The following DSE variants were observed in gnomAD, a reference collection of about 807,000 sequenced individuals.
DSE encodes dermatan sulfate epimerase, also known as dermatan-sulfate epimerase.
DSE carries 36 observed loss-of-function variants against 84.4 expected under a neutral mutation model. That is an observed-to-expected ratio of 0.43 (90% confidence interval 0.33 to 0.56). The LOEUF is 0.56. Among genes scored for constraint, DSE ranks in the 20% least tolerant of loss-of-function variants. The pLI, the probability that DSE is intolerant of heterozygous loss-of-function variation, is 0.06. For missense variants in DSE, 862 were observed against 1,169.6 expected, an observed-to-expected ratio of 0.74 and a Z score of 3.84; for synonymous variants, 410 against 430.1, an observed-to-expected ratio of 0.95 and a Z score of 0.58.
At chr6:116,435,556 A>C in intron 5 of DSE, 31 bp from the exon 6 acceptor site, 2 of 1,537,896 alleles carry the variant, frequency 1.3e-6, no homozygotes, top group Non-Finnish European at 1.7e-6. Context: ...TGCCATCAGA[A>C]AACCATTTAA....
intron 2 of DSE, chr6:116,400,470 G>T (rs987479986): frequency 2.6e-5 from 4 of 152,040 alleles, no homozygotes; most frequent in African/African-American, 9.7e-5. Context: ...TCTTGTCATA[G>T]GGCTAGAGAG....
chr6:116,365,340 G>T lies in DSE; in HGVS notation c.-53-33858G>T, dbSNP rs374220590. On this transcript the variant is annotated intron_variant, in intron 2 of 3. Coordinates refer to the DSE transcript ENST00000430252. ...GTGCAATCGGCTCACTGCAAGCTCCGCCTCCTGGGTTCACGCCATTCTCCT... is the reference window on the plus strand; with the variant it reads ...GTGCAATCGGCTCACTGCAAGCTCCTCCTCCTGGGTTCACGCCATTCTCCT... Among the ~76,000 whole-genome samples the T allele has an allele frequency of 1.1e-4, 16 of 152,136 alleles. 1 individual carries two copies. The South Asian group carries it at 1.2e-3, about 12-fold the overall frequency.
At chr6:116,408,806 G>T (rs1315962198) in intron 2 of DSE, among the ~76,000 whole-genome samples, 5 of 152,142 alleles carry the variant, frequency 3.3e-5, no homozygotes, top group Admixed American at 1.3e-4. Context: ...TTGAATTTTG[G>T]TGTTCATCTT....
At chr6:116,358,018 T>A (rs1386835608) in intron 2 of DSE, among the ~76,000 whole-genome samples, 1 of 152,204 alleles carries the variant, frequency 6.6e-6, no homozygotes, top group South Asian at 2.1e-4. Flanking sequence ...ATAAATCTGA[T>A]TTTTTAATGA....
At chr6:116,408,368 G>C (rs2115016795) in intron 2 of DSE, among the ~76,000 whole-genome samples, 1 of 152,226 alleles carries the variant, frequency 6.6e-6, no homozygotes, top group East Asian at 1.9e-4. Flanking sequence ...CTTATTGAGG[G>C]TAGCCCCAGC....
intron 2 of DSE, among the ~76,000 whole-genome samples, chr6:116,341,304 C>A (rs929193738): frequency 1.3e-5 from 2 of 152,138 alleles, no homozygotes; most frequent in African/African-American, 4.8e-5. Flanking sequence ...CTATTCATAT[C>A]CTTCACCCAC....
intron 2 of DSE, among the ~76,000 whole-genome samples, chr6:116,295,053 T>C (rs1031903588): frequency 1.3e-5 from 2 of 152,132 alleles, no homozygotes; most frequent in African/African-American, 4.8e-5. Flanking sequence ...AAATAAATCA[T>C]ACTGCAGTGT....
At chr6:116,420,900 A>G (rs1783031180) in intron 2 of DSE, among the ~76,000 whole-genome samples, 1 of 152,234 alleles carries the variant, frequency 6.6e-6, no homozygotes, top group African/African-American at 2.4e-5. Flanking sequence ...TTTTAGTGAT[A>G]CAGACTTCTT....
intron 2 of DSE, among the ~76,000 whole-genome samples, chr6:116,409,444 A>G (rs1319379632): frequency 6.6e-6 from 1 of 151,890 alleles, no homozygotes; most frequent in Non-Finnish European, 1.5e-5. Flanking sequence ...CGCCTGGCTA[A>G]TTTTTTGTAT....
At chr6:116,382,286 A>T (rs1032082731) in intron 1 of DSE, among the ~76,000 whole-genome samples, 1 of 152,202 alleles carries the variant, frequency 6.6e-6, no homozygotes, top group Non-Finnish European at 1.5e-5. Flanking sequence ...TTTCGAGCCT[A>T]CCATAACATG....
intron 2 of DSE, among the ~76,000 whole-genome samples, chr6:116,339,968 A>C (rs944131411): frequency 1.3e-5 from 2 of 152,320 alleles, no homozygotes; most frequent in Non-Finnish European, 2.9e-5. Flanking sequence ...GCGAGTGTGG[A>C]GTATACAAAG....
intron 2 of DSE, among the ~76,000 whole-genome samples, chr6:116,338,799 T>C (rs1003161315): frequency 2.6e-5 from 4 of 152,220 alleles, no homozygotes; most frequent in Non-Finnish European, 5.9e-5. Flanking sequence ...GTCAGCAGCA[T>C]GTTTATTAAA....
rs193292876 is a variant in DSE, at chr6:116,343,980, C to T, written c.-53-55218C>T. Among the ~76,000 whole-genome samples the T allele has an allele frequency of 1.5e-3, 234 of 152,230 alleles. 1 individual carries two copies. The highest frequency in any genetic ancestry group is 5.3e-3 in the African/African-American group (221 of 41,536). Reference sequence around the variant, plus strand: ...GCTGAAAGCCATGGCATGAGAACTACGTGATGCATGCACAAGCTTCAGTAG... The same window carrying T: ...GCTGAAAGCCATGGCATGAGAACTATGTGATGCATGCACAAGCTTCAGTAG... On this transcript the variant is annotated intron_variant, in intron 2 of 3. Coordinates refer to the DSE transcript ENST00000430252.
chr6:116,306,636 C>G (rs1436980086), intron 2 of DSE, among the ~76,000 whole-genome samples: 1 of 152,190 alleles, frequency 6.6e-6, no homozygotes, highest in Non-Finnish European at 1.5e-5. Flanking sequence ...ATACCCTTCT[C>G]TACAGCACTA....
intron 2 of DSE, among the ~76,000 whole-genome samples, chr6:116,353,539 T>C (rs1000234604): frequency 6.6e-6 from 1 of 152,212 alleles, no homozygotes; most frequent in African/African-American, 2.4e-5. Context: ...CCATTGAGCA[T>C]TTACACTTCC....
At chr6:116,347,034 A>T (rs956596890) in intron 2 of DSE, among the ~76,000 whole-genome samples, 6 of 152,316 alleles carry the variant, frequency 3.9e-5, no homozygotes, top group African/African-American at 1.4e-4. Flanking sequence ...CTTCAAAGAG[A>T]ATAAAATACC....
intron 2 of DSE, among the ~76,000 whole-genome samples, chr6:116,332,374 T>TTGTG (rs67724248): frequency 2.3e-4 from 34 of 150,296 alleles, no homozygotes; most frequent in African/African-American, 5.4e-4. Flanking sequence ...CCCAGTTGGT[T>TTGTG]TGTGTGTGTG....
chr6:116,274,177 A>G (rs1582919636), intron 2 of DSE, among the ~76,000 whole-genome samples: 1 of 152,178 alleles, frequency 6.6e-6, no homozygotes, highest in East Asian at 1.9e-4. Flanking sequence ...ATGCAGAGCT[A>G]GACTCAGATA....
intron 2 of DSE, among the ~76,000 whole-genome samples, chr6:116,282,334 T>G (rs1335764131): frequency 2.0e-5 from 3 of 152,236 alleles, no homozygotes; most frequent in Non-Finnish European, 4.4e-5. Context: ...AAGTGGAAAC[T>G]TCTATTATTC....
Sources: gnomAD v4.1 joint callset for allele counts (sites outside exome capture counted in the v4.1 genomes callset) on GRCh38, gnomAD v4.1.1 for gene constraint, MANE v1.5 for transcripts, NCBI Gene and HGNC (gene_info 2026-07-23, HGNC 2026-07-21) for gene names.